Variants in MAGI2 observed in about 807,000 individuals in gnomAD.
The protein encoded by MAGI2 is membrane-associated guanylate kinase, WW and PDZ domain-containing protein 2.
MAGI2 carries 35 observed loss-of-function variants against 133.3 expected under a neutral mutation model. The ratio of observed to expected loss-of-function variants is 0.26; its 90% CI spans 0.20 to 0.35. MAGI2 has a LOEUF of 0.35. MAGI2 is among the 10% of genes least tolerant of loss of function. The pLI is 1.00. For missense variants in MAGI2, 1,636 were observed against 1,863.4 expected (o/e 0.88, Z 2.25); for synonymous variants, 729 against 710.6 (o/e 1.03, Z -0.41).
chr7:78,843,240 T>C (rs1024029632), intron 2 of MAGI2, among the ~76,000 whole-genome samples: 1 of 151,892 alleles, frequency 6.6e-6, no homozygotes, highest in Non-Finnish European at 1.5e-5. Flanking sequence ...TTTCAGCAAC[T>C]TGAGGCTTCA....
At chr7:78,074,108 C>T (rs908347820) in intron 21 of MAGI2, among the ~76,000 whole-genome samples, 1 of 152,200 alleles carries the variant, frequency 6.6e-6, no homozygotes, top group African/African-American at 2.4e-5. Flanking sequence ...CCTCTGTGTG[C>T]AGCCACTACT....
chr7:79,277,714 A>G (rs995076582), intron 1 of MAGI2, among the ~76,000 whole-genome samples: 2 of 152,118 alleles, frequency 1.3e-5, no homozygotes, highest in African/African-American at 2.4e-5. Context: ...CTTCCTCACT[A>G]TAGGCCCTTG....
chr7:78,594,420 G>C (rs998217976), intron 3 of MAGI2, among the ~76,000 whole-genome samples: 2 of 151,864 alleles, frequency 1.3e-5, no homozygotes, highest in Admixed American at 6.6e-5. Context: ...GGCTTTTTCC[G>C]GGCCTTGAAG....
chr7:78,270,243 G>T (rs1794432353), intron 9 of MAGI2, among the ~76,000 whole-genome samples: 1 of 152,064 alleles, frequency 6.6e-6, no homozygotes, highest in South Asian at 2.1e-4. Flanking sequence ...TGTCTTGGCT[G>T]TGAGGGCTCT....
At chr7:78,344,012 T>C (rs1790651586) in intron 8 of MAGI2, 52 bp from the exon 9 acceptor site, 2 of 1,548,684 alleles carry the variant, frequency 1.3e-6, no homozygotes, top group Non-Finnish European at 1.8e-6. Flanking sequence ...CAAGTCAAGT[T>C]CTCAGACAAG....
At chr7:79,156,622 CA>C (rs1314389145) in intron 1 of MAGI2, among the ~76,000 whole-genome samples, 1 of 152,034 alleles carries the variant, frequency 6.6e-6, no homozygotes, top group African/African-American at 2.4e-5. Flanking sequence ...CAAATTGCCC[CA>C]CCTTTCTGGA....
intron 6 of MAGI2, among the ~76,000 whole-genome samples, chr7:78,466,047 A>G (rs1354683282): frequency 6.6e-6 from 1 of 152,182 alleles, no homozygotes; most frequent in Non-Finnish European, 1.5e-5. Flanking sequence ...TCCGGCTTCA[A>G]CCACTTGCTC....
At chr7:78,958,844 C>G (rs1176366716) in intron 2 of MAGI2, among the ~76,000 whole-genome samples, 1 of 152,226 alleles carries the variant, frequency 6.6e-6, no homozygotes, top group South Asian at 2.1e-4. Context: ...ATAGAGTTCA[C>G]TATTTTTATA....
At chr7:79,267,624 T>C (rs1834571605) in intron 1 of MAGI2, among the ~76,000 whole-genome samples, 1 of 152,134 alleles carries the variant, frequency 6.6e-6, no homozygotes, top group African/African-American at 2.4e-5. Flanking sequence ...GAAATCAAAA[T>C]TGGCTATATC....
At chr7:79,146,552 G>A (rs1822644449) in intron 1 of MAGI2, among the ~76,000 whole-genome samples, 1 of 152,224 alleles carries the variant, frequency 6.6e-6, no homozygotes, top group Non-Finnish European at 1.5e-5. Flanking sequence ...GCCAGGTGAA[G>A]ATAACTGAAT....
chr7:78,804,873 G>C (rs1203729227), intron 2 of MAGI2, among the ~76,000 whole-genome samples: 2 of 150,986 alleles, frequency 1.3e-5, no homozygotes, highest in African/African-American at 4.9e-5. Context: ...TTCGAAACCA[G>C]TCTGGCCAAC....
At chr7:78,618,240 T>C (rs1807321345) in intron 3 of MAGI2, 1 of 151,978 alleles carries the variant, frequency 6.6e-6, no homozygotes, top group Non-Finnish European at 1.5e-5. Context: ...ACTCTTAAGT[T>C]AAAAACGGTT....
intron 2 of MAGI2, among the ~76,000 whole-genome samples, chr7:78,948,322 A>G (rs976718510): frequency 1.5e-4 from 23 of 151,970 alleles, no homozygotes; most frequent in African/African-American, 5.6e-4. Context: ...CTTTTCCTCA[A>G]AGAAAACAAA....
chr7:79,340,999 A>T (rs1212056835), intron 1 of MAGI2, among the ~76,000 whole-genome samples: 1 of 152,150 alleles, frequency 6.6e-6, no homozygotes, highest in Non-Finnish European at 1.5e-5. Context: ...AACACCTATT[A>T]TAAAAATTAT....
chr7:78,928,360 A>G (rs1278540290), intron 2 of MAGI2, among the ~76,000 whole-genome samples: 3 of 151,958 alleles, frequency 2.0e-5, no homozygotes, highest in Non-Finnish European at 4.4e-5. Context: ...TTGTTTGACA[A>G]GTGCAGTCAT....
chr7:78,211,059 CT>C (rs1300141233), intron 10 of MAGI2, among the ~76,000 whole-genome samples: 1 of 152,078 alleles, frequency 6.6e-6, no homozygotes, highest in African/African-American at 2.4e-5. Flanking sequence ...GAGAAGGAAC[CT>C]GAGTAGAGAC....
At chr7:79,439,222 C>A (rs1848338452) in intron 1 of MAGI2, among the ~76,000 whole-genome samples, 1 of 152,256 alleles carries the variant, frequency 6.6e-6, no homozygotes, top group South Asian at 2.1e-4. Context: ...TTATTCTATG[C>A]AGCACTCCCC....
At position 78,300,794 on chromosome 7, in the gene MAGI2, T is replaced by C. The variant is rs573778676; in HGVS notation, c.1408+42984A>G. On this transcript the variant is annotated intron_variant, in intron 9 of 21. Transcript: ENST00000354212. ...TAAACATTCTATGTTGCTATGTATTTGCAGGTTTTCTTTACTTAAAACGTA... is the reference window on the plus strand; with the variant it reads ...TAAACATTCTATGTTGCTATGTATTCGCAGGTTTTCTTTACTTAAAACGTA... Among the ~76,000 whole-genome samples, 7 of 152,358 alleles carry C rather than the reference T, an allele frequency of 4.6e-5. No homozygotes were observed. The South Asian group carries it at 1.5e-3, about 32-fold the overall frequency.
intron 21 of MAGI2, among the ~76,000 whole-genome samples, chr7:78,024,625 G>A (rs1008553587): frequency 6.6e-5 from 10 of 152,098 alleles, no homozygotes; most frequent in African/African-American, 1.7e-4. Context: ...CACTTTCACC[G>A]CCCTAATTCA....
Sources: gnomAD v4.1 joint callset for allele counts (sites outside exome capture counted in the v4.1 genomes callset) on GRCh38, gnomAD v4.1.1 for gene constraint, MANE v1.5 for transcripts, NCBI Gene and HGNC (gene_info 2026-07-23, HGNC 2026-07-21) for gene names.